USP13: variants seen among roughly 807,000 people sequenced by gnomAD.
USP13 encodes the protein ubiquitin carboxyl-terminal hydrolase 13.
Under a neutral mutation model 107.8 loss-of-function variants are expected in USP13, and 68 were observed. That is an observed-to-expected ratio of 0.63 (90% CI 0.52 to 0.77). The LOEUF (loss-of-function observed/expected upper bound fraction) is 0.77. USP13 is among the 30% of genes least tolerant of loss of function. USP13 has a pLI of 0.00. For synonymous variants in USP13, 377 were observed against 389.5 expected (o/e 0.97, Z 0.38); for missense variants, 945 against 1,093.3 (o/e 0.86, Z 1.91).
intron 15 of USP13, among the ~76,000 whole-genome samples, chr3:179,755,786 A>G (rs1368645935): frequency 6.6e-6 from 1 of 152,210 alleles, no homozygotes; most frequent in Non-Finnish European, 1.5e-5. Context: ...ACTCATAACG[A>G]CAGAGCACTC....
At chr3:179,691,302 C>T (rs142874277) in intron 3 of USP13, among the ~76,000 whole-genome samples, 7 of 152,136 alleles carry the variant, frequency 4.6e-5, no homozygotes, top group East Asian at 3.9e-4. Context: ...TCCAGGGTTC[C>T]GCATTGTATT....
intron 19 of USP13, among the ~76,000 whole-genome samples, chr3:179,779,993 G>C (rs568742204): frequency 6.6e-6 from 1 of 152,280 alleles, no homozygotes; most frequent in East Asian, 1.9e-4. Context: ...TTTGTCCTGA[G>C]TTATTGGAAG....
At chr3:179,757,195 C>T in intron 16 of USP13, 117 bp downstream of exon 16, 3 of 1,233,150 alleles carry the variant, frequency 2.4e-6, no homozygotes. Flanking sequence ...GCAGCTTTTC[C>T]CAGGTGGGAA....
At chr3:179,760,996 C>T (rs886536321) in intron 16 of USP13, 116 bp from the exon 17 acceptor site, 38 of 1,278,170 alleles carry the variant, frequency 3.0e-5, no homozygotes, top group Non-Finnish European at 4.0e-5. Context: ...CCATTATCTA[C>T]ACCCAACAGA....
chr3:179,719,946 A>G lies in USP13; in HGVS notation c.812A>G (p.Tyr271Cys). 6.2e-7 allele frequency: 1 copy of G among 1,613,544 alleles called. No homozygotes were observed. Among genetic ancestry groups the G allele is most frequent in the East Asian group, 2.2e-5 (1 of 44,866 alleles). The part of the protein sequence containing the change: ...GTITPDGADV[Y>C]SFQEEEPVLD... ...TTTTCTCTTCATCCGCTAGATGTTT[A>G]TTCTTTTCAAGAAGAAGAACCTGTT... Residue 271 changes from tyrosine (Y) to cysteine (C), a missense_variant, in exon 7 of 21, where the codon TAT (tyrosine) becomes TGT (cysteine). Tyr to Cys is a radical substitution (Grantham distance 194). Coordinates refer to ENST00000263966, the MANE Select transcript of USP13 (RefSeq NM_003940.3).
At chr3:179,694,216 C>A (rs146902441) in intron 3 of USP13, among the ~76,000 whole-genome samples, 1,817 of 152,260 alleles carry the variant, frequency 0.012, 35 homozygotes, top group African/African-American at 0.041. Flanking sequence ...CTCAAGTGAT[C>A]TGCCTGCCTT....
At chr3:179,701,270 A>C in intron 4 of USP13, 141 bp downstream of exon 4, 1 of 1,096,754 alleles carries the variant, frequency 9.1e-7, no homozygotes, top group Non-Finnish European at 1.3e-6. Context: ...ATGAGCATGA[A>C]CACGCACATA....
At chr3:179,743,418 C>T (rs926782339) in intron 12 of USP13, among the ~76,000 whole-genome samples, 11 of 150,300 alleles carry the variant, frequency 7.3e-5, no homozygotes, top group Admixed American at 2.0e-4. Flanking sequence ...AAAAATTCAG[C>T]GGTTCCCTGG....
chr3:179,750,756 C>T (rs1714582279), intron 13 of USP13, among the ~76,000 whole-genome samples: 1 of 152,160 alleles, frequency 6.6e-6, no homozygotes, highest in Non-Finnish European at 1.5e-5. Context: ...CACATCATTT[C>T]ATGAACATTG....
At chr3:179,683,443 A>C (rs1209806872) in intron 2 of USP13, among the ~76,000 whole-genome samples, 5 of 152,232 alleles carry the variant, frequency 3.3e-5, no homozygotes, top group Middle Eastern at 3.2e-3. Context: ...TGGGCAATTT[A>C]CAAAAGAAAG....
chr3:179,740,108 A>G (rs762859713), intron 10 of USP13, 139 bp from the exon 11 acceptor site: 14 of 1,206,032 alleles, frequency 1.2e-5, no homozygotes, highest in Admixed American at 2.1e-5. Flanking sequence ...AGTATTGGCC[A>G]CTATCATTAT....
rs1713306409 is a variant in USP13, at chr3:179,721,269, A to G, written c.901-133A>G. Reference sequence around the variant, plus strand: ...CCGTCTCTCAGTCTTTTTTATTTGCATTGTTTATTTCTCTATGTAATTGGG... The same window carrying G: ...CCGTCTCTCAGTCTTTTTTATTTGCGTTGTTTATTTCTCTATGTAATTGGG... On this transcript the variant is annotated intron_variant, in intron 7 of 20. Coordinates refer to ENST00000263966, the MANE Select transcript of USP13 (RefSeq NM_003940.3). This position sits in a 1 kb window ranked among gnomAD's most constrained non-coding sequence, Gnocchi z 4.3. The G allele has an allele frequency of 1.1e-6, 1 of 902,786 alleles. No homozygotes were observed. Among genetic ancestry groups the G allele is most frequent in the East Asian group, 2.7e-5 (1 of 37,158 alleles). 55.9% of individuals were successfully genotyped at this position (902,786 alleles called of 1,614,324 possible).
intron 6 of USP13, among the ~76,000 whole-genome samples, chr3:179,717,619 A>G (rs1389868979): frequency 1.3e-5 from 2 of 151,962 alleles, no homozygotes; most frequent in Non-Finnish European, 2.9e-5. Context: ...TCTTCAAACT[A>G]TCTCCCTAAT....
Position 179,767,891 on chromosome 3 carries a change from G to A in USP13, c.2413+2043G>A, listed in dbSNP as rs1364376222. On this transcript the variant is annotated intron_variant, in intron 19 of 20. Coordinates refer to ENST00000263966, the MANE Select transcript of USP13 (RefSeq NM_003940.3). Reference sequence around the variant, plus strand: ...TCATATACAGATAGAAAGAGACGGTGGGAGGGAACTGTCTTCTTCTTTTTT... The same window carrying A: ...TCATATACAGATAGAAAGAGACGGTAGGAGGGAACTGTCTTCTTCTTTTTT... Among the ~76,000 whole-genome samples the A allele has an allele frequency of 4.6e-5, 7 of 152,078 alleles. No homozygotes were observed. In the East Asian group the frequency reaches 1.3e-3, roughly 29 times the overall value.
At chr3:179,728,031 C>T (rs1280211273) in intron 8 of USP13, among the ~76,000 whole-genome samples, 1 of 61,348 alleles carries the variant, frequency 1.6e-5, no homozygotes, top group African/African-American at 4.9e-5. Context: ...GGCTGATCCC[C>T]ACCACCTCCC....
chr3:179,694,935 T>G (rs895533185), intron 3 of USP13, among the ~76,000 whole-genome samples: 1 of 152,202 alleles, frequency 6.6e-6, no homozygotes, highest in African/African-American at 2.4e-5. Flanking sequence ...TACGCCTCTC[T>G]GGCAGAACTT....
In USP13 at chr3:179,678,048, AGAG is replaced by A. The variant is rs1399753775; in HGVS notation, c.169-3826_169-3824del. Among the ~76,000 whole-genome samples the A allele has an allele frequency of 2.6e-5, 4 of 152,200 alleles. No homozygotes were observed. Among genetic ancestry groups the A allele is most frequent in the Non-Finnish European group, 5.9e-5 (4 of 68,038 alleles). On this transcript the variant is annotated intron_variant, in intron 1 of 20. Transcript: ENST00000263966. The surrounding 1 kb of genome is among the most constrained non-coding windows in gnomAD (Gnocchi z 4.2). The stretch of plus-strand genomic sequence containing the variant: ...GAATTATTGCTACGGCCATGTTTAT[AGAG>A]GAGAACACTGGAGCTCAGAGCCCTA...
At chr3:179,756,369 C>T (rs1156649268) in intron 15 of USP13, among the ~76,000 whole-genome samples, 1 of 152,004 alleles carries the variant, frequency 6.6e-6, no homozygotes, top group Non-Finnish European at 1.5e-5. Context: ...CGAGATTGCG[C>T]CACTGCATTC....
chr3:179,724,876 T>TC (rs1205340302), intron 8 of USP13, among the ~76,000 whole-genome samples: 1 of 152,208 alleles, frequency 6.6e-6, no homozygotes, highest in African/African-American at 2.4e-5. Flanking sequence ...GACTTCTCTC[T>TC]TTTTCTCCCT....
Sources: allele counts gnomAD v4.1 joint callset (sites outside exome capture counted in the v4.1 genomes callset), GRCh38; gene constraint gnomAD v4.1.1; non-coding constraint Gnocchi (gnomAD v3.1); transcripts MANE v1.5; gene names NCBI Gene and HGNC (gene_info 2026-07-23, HGNC 2026-07-21).